The following SCOC variants were observed in gnomAD, a reference collection of about 807,000 sequenced individuals.
SCOC encodes the protein short coiled-coil protein.
Under a neutral mutation model 9.9 loss-of-function variants are expected in SCOC, and 7 were observed. The observed-to-expected ratio is 0.71, with a 90% CI of 0.40 to 1.33. The LOEUF is 1.33. Among genes scored for constraint, SCOC ranks in the 40% most tolerant of loss-of-function variants. The pLI is 0.01. For synonymous variants in SCOC, 19 were observed against 28.2 expected, an observed-to-expected ratio of 0.67 and a Z score of 1.03; for missense variants, 66 against 89.7, an observed-to-expected ratio of 0.74 and a Z score of 1.07.
At chr4:140,262,909 G>A (rs1229403830) in intron 1 of SCOC, among the ~76,000 whole-genome samples, 4 of 152,088 alleles carry the variant, frequency 2.6e-5, no homozygotes, top group Non-Finnish European at 5.9e-5. Context: ...GCCCCAGGTA[G>A]ATAGTGCTAA....
At chr4:140,294,532 A>G (rs1170290554) in intron 1 of SCOC, among the ~76,000 whole-genome samples, 3 of 152,184 alleles carry the variant, frequency 2.0e-5, no homozygotes, top group Non-Finnish European at 4.4e-5. Context: ...CAGCTGACCA[A>G]CCAACTAAAT....
intron 1 of SCOC, among the ~76,000 whole-genome samples, chr4:140,306,034 C>T (rs1270082752): frequency 6.6e-6 from 1 of 152,188 alleles, no homozygotes; most frequent in Non-Finnish European, 1.5e-5. Flanking sequence ...TATATGCTAA[C>T]TGTATTAGTC....
At chr4:140,272,045 T>A (rs888887919) in intron 1 of SCOC, among the ~76,000 whole-genome samples, 3 of 146,376 alleles carry the variant, frequency 2.0e-5, no homozygotes, top group Admixed American at 1.4e-4. Flanking sequence ...GGAGTCACAC[T>A]CTCTATCATC....
intron 1 of SCOC, among the ~76,000 whole-genome samples, chr4:140,307,851 GATA>G (rs1341019203): frequency 6.6e-6 from 1 of 152,216 alleles, no homozygotes; most frequent in Non-Finnish European, 1.5e-5. Context: ...GACAAGAGAT[GATA>G]ATAAGAGGAC....
chr4:140,313,166 A>G (rs922339426), intron 1 of SCOC, among the ~76,000 whole-genome samples: 1 of 152,240 alleles, frequency 6.6e-6, no homozygotes, highest in Non-Finnish European at 1.5e-5. Context: ...TTTGCCATAC[A>G]TTGTACTTCC....
rs1414797708 is a variant in SCOC at position 140,269,138 on chromosome 4, A to T, written c.-19+11728A>T. ...GCTTACTTGTTTTATTCCCTTCACT[A>T]GACACAGGGCTGCAACCACACATTA... On this transcript the variant is annotated intron_variant, in intron 1 of 4. Coordinates refer to the SCOC transcript ENST00000394205. Among the ~76,000 whole-genome samples the T allele has an allele frequency of 3.3e-5, 5 of 152,294 alleles. No individual in the cohort carries two copies. In the East Asian group the frequency reaches 9.7e-4, roughly 29 times the overall value.
intron 1 of SCOC, among the ~76,000 whole-genome samples, chr4:140,266,758 T>C (rs1282006089): frequency 6.6e-6 from 1 of 152,166 alleles, no homozygotes; most frequent in Non-Finnish European, 1.5e-5. Context: ...TTCAGAAATG[T>C]GCTGGTTCCC....
intron 1 of SCOC, among the ~76,000 whole-genome samples, chr4:140,300,786 T>C (rs1731789781): frequency 6.6e-6 from 1 of 152,248 alleles, no homozygotes; most frequent in African/African-American, 2.4e-5. Context: ...TAAGTGGTTT[T>C]AAGGAAATGG....
At chr4:140,366,490 T>A in intron 2 of SCOC, 1 of 1,568,940 alleles carries the variant, frequency 6.4e-7, no homozygotes, top group Middle Eastern at 2.1e-4. Context: ...CTTCTTAACT[T>A]CATTCTTGAT....
At chr4:140,313,838 A>G (rs1371878889) in intron 1 of SCOC, among the ~76,000 whole-genome samples, 1 of 152,116 alleles carries the variant, frequency 6.6e-6, no homozygotes, top group African/African-American at 2.4e-5. Flanking sequence ...GCAAGAATAC[A>G]TACAGTCGGC....
intron 2 of SCOC, among the ~76,000 whole-genome samples, chr4:140,348,196 AAGT>A (rs1726821920): frequency 6.6e-6 from 1 of 152,168 alleles, no homozygotes; most frequent in Non-Finnish European, 1.5e-5. Flanking sequence ...TGAAATATTT[AAGT>A]ATACAATATA....
upstream of SCOC, chr4:140,373,603 T>A: frequency 1.3e-6 from 2 of 1,551,686 alleles, no homozygotes; most frequent in Non-Finnish European, 1.7e-6. Flanking sequence ...GGGATTCTTC[T>A]CACGGCGCAC....
At chr4:140,269,675 G>A (rs1458497150) in intron 1 of SCOC, among the ~76,000 whole-genome samples, 2 of 152,178 alleles carry the variant, frequency 1.3e-5, no homozygotes, top group Non-Finnish European at 2.9e-5. Flanking sequence ...CTAAGCATTG[G>A]GGTGATTTGT....
At chr4:140,293,625 C>T (rs755355067) in intron 1 of SCOC, among the ~76,000 whole-genome samples, 3 of 152,304 alleles carry the variant, frequency 2.0e-5, no homozygotes, top group East Asian at 1.9e-4. Flanking sequence ...GAGAATTCCA[C>T]GCCAGGCAGG....
chr4:140,375,054 A>G (rs1352565687), intron 1 of SCOC, among the ~76,000 whole-genome samples: 2 of 152,222 alleles, frequency 1.3e-5, no homozygotes, highest in African/African-American at 4.8e-5. Flanking sequence ...GTATTAGGAA[A>G]AAGTCTCAAA....
At chr4:140,324,975 G>GGACA (rs1732604017) in intron 1 of SCOC, among the ~76,000 whole-genome samples, 1 of 151,970 alleles carries the variant, frequency 6.6e-6, no homozygotes, top group Non-Finnish European at 1.5e-5. Context: ...ATAAGCTAAA[G>GGACA]GACAGACACA....
At chr4:140,294,721 C>T (rs1237905634) in intron 1 of SCOC, among the ~76,000 whole-genome samples, 2 of 152,138 alleles carry the variant, frequency 1.3e-5, no homozygotes, top group South Asian at 4.1e-4. Context: ...TTAGAAAGGA[C>T]CACATAAACC....
At chr4:140,285,776 G>A (rs962161558) in intron 1 of SCOC, among the ~76,000 whole-genome samples, 3 of 152,168 alleles carry the variant, frequency 2.0e-5, no homozygotes, top group African/African-American at 7.2e-5. Flanking sequence ...TGACACAGAG[G>A]GAAGAGCAAC....
rs143228422 is a variant in SCOC, at chr4:140,260,828, G to A, written c.-19+3418G>A. The stretch of plus-strand genomic sequence containing the variant: ...GTAAAACACACTGTGAGAGAGAAAA[G>A]AAATTGTTCTGATTTATTTTTTTTT... On this transcript the variant is annotated intron_variant, in intron 1 of 4. Transcript: ENST00000394205. Among the ~76,000 whole-genome samples, 390 of 152,252 alleles carry A rather than the reference G, an allele frequency of 2.6e-3. 2 individuals carry two copies. The highest frequency in any genetic ancestry group is 8.8e-3 in the African/African-American group (364 of 41,564).
Sources: allele counts gnomAD v4.1 joint callset (sites outside exome capture counted in the v4.1 genomes callset), GRCh38; gene constraint gnomAD v4.1.1; transcripts MANE v1.5; gene names NCBI Gene and HGNC (gene_info 2026-07-23, HGNC 2026-07-21).